Variants in SVOP observed in about 807,000 individuals in gnomAD.
The protein encoded by SVOP is synaptic vesicle 2-related protein.
SVOP carries 17 observed loss-of-function variants against 69.1 expected under a neutral mutation model. The ratio of observed to expected loss-of-function variants is 0.25; its 90% CI spans 0.17 to 0.37. The LOEUF is 0.37. Ranked by LOEUF, SVOP falls within the 10% of genes least tolerant of loss-of-function variation. The pLI is 1.00. For missense variants in SVOP, 435 were observed against 597.5 expected (o/e 0.73, Z 2.84); for synonymous variants, 238 against 238.6 (o/e 1.00, Z 0.02).
At chr12:108,934,884 C>G (rs929772996) in intron 10 of SVOP, among the ~76,000 whole-genome samples, 2 of 152,228 alleles carry the variant, frequency 1.3e-5, no homozygotes, top group African/African-American at 4.8e-5. Flanking sequence ...AATGGGCAAC[C>G]AGGAGCCCTT....
intron 1 of SVOP, among the ~76,000 whole-genome samples, chr12:108,988,770 CTTTTTTTTT>C (rs758822738): frequency 1.1e-5 from 1 of 92,182 alleles, no homozygotes; most frequent in African/African-American, 3.9e-5. Context: ...TCTTTTCTCT[CTTTTTTTTT>C]TTTTTTTTTT....
At chr12:109,019,790 A>G (rs2040386596) in intron 1 of SVOP, among the ~76,000 whole-genome samples, 1 of 152,218 alleles carries the variant, frequency 6.6e-6, no homozygotes, top group Non-Finnish European at 1.5e-5. Flanking sequence ...AGTAAACATT[A>G]CAATCCCCTT....
At chr12:108,978,176 A>G (rs368895487) in intron 3 of SVOP, among the ~76,000 whole-genome samples, 1 of 152,184 alleles carries the variant, frequency 6.6e-6, no homozygotes, top group African/African-American at 2.4e-5. Context: ...AAGTATATTA[A>G]AGGTTTGGCT....
chr12:108,992,008 T>A (rs1194790706), intron 1 of SVOP, among the ~76,000 whole-genome samples: 1 of 152,084 alleles, frequency 6.6e-6, no homozygotes, highest in Non-Finnish European at 1.5e-5. Flanking sequence ...GGGATGCTGA[T>A]AGAGATTGTG....
At chr12:108,987,165 C>T (rs1180667197) in intron 1 of SVOP, among the ~76,000 whole-genome samples, 1 of 152,198 alleles carries the variant, frequency 6.6e-6, no homozygotes, top group East Asian at 1.9e-4. Flanking sequence ...TTTGACTCCT[C>T]TAGGGATCTC....
intron 6 of SVOP, among the ~76,000 whole-genome samples, chr12:108,952,426 G>T (rs2039961104): frequency 6.6e-6 from 1 of 151,574 alleles, no homozygotes; most frequent in African/African-American, 2.4e-5. Context: ...AGTAGAGATG[G>T]GGTTTTGCCA....
At chr12:108,995,646 A>G (rs911762127) in intron 1 of SVOP, among the ~76,000 whole-genome samples, 2 of 152,210 alleles carry the variant, frequency 1.3e-5, no homozygotes, top group African/African-American at 2.4e-5. Context: ...TGGTCCTATA[A>G]TGCCAGTACT....
intron 4 of SVOP, 131 bp downstream of exon 4, chr12:108,977,267 G>T: frequency 8.9e-7 from 1 of 1,122,748 alleles, no homozygotes; most frequent in Non-Finnish European, 1.2e-6. Flanking sequence ...AGGTGGGGAT[G>T]GGACAGTGTT....
At chr12:108,937,229 G>T in intron 10 of SVOP, 35 bp downstream of exon 10, 1 of 1,610,386 alleles carries the variant, frequency 6.2e-7, no homozygotes. Flanking sequence ...ACAGGGAGTG[G>T]AAAGGGGTCA....
Position 108,919,804 on chromosome 12 carries a change from A to T in SVOP, c.1157-18T>A. ...AAGGACACCTGGAAGGGGAGTGGGGAGAGATAGGCAGCTTCCGATGTGATT... is the reference window on the plus strand; with the variant it reads ...AAGGACACCTGGAAGGGGAGTGGGGTGAGATAGGCAGCTTCCGATGTGATT... On this transcript the variant is annotated intron_variant, in intron 12 of 15. Coordinates refer to ENST00000610966, the MANE Select transcript of SVOP (RefSeq NM_018711.5). 1 of 1,528,288 alleles carries T rather than the reference A, an allele frequency of 6.5e-7. No individual in the cohort carries two copies. Among genetic ancestry groups the T allele is most frequent in the Non-Finnish European group, 8.9e-7 (1 of 1,119,918 alleles). 94.7% of individuals were successfully genotyped at this position (1,528,288 alleles called of 1,614,324 possible). A position where few individuals can be genotyped will look rare whatever the true frequency, so the allele number is the denominator to read the frequency against.
intron 6 of SVOP, among the ~76,000 whole-genome samples, chr12:108,955,305 G>A (rs1274005029): frequency 1.3e-5 from 2 of 152,286 alleles, no homozygotes; most frequent in African/African-American, 2.4e-5. Flanking sequence ...AAACGGTATC[G>A]TCCTCAATGA....
At position 108,952,772 on chromosome 12, in the gene SVOP, T is replaced by A. The variant is rs546902578; in HGVS notation, c.579-7606A>T. Among the ~76,000 whole-genome samples the A allele has an allele frequency of 5.3e-5, 8 of 152,198 alleles. No homozygotes were observed. The South Asian group carries it at 1.7e-3, about 32-fold the overall frequency. ...TACTCCAGAGGCTGTGGTGGGAGGA[T>A]CCCTTGAGACTGGAAGTTTGAGGCT... On this transcript the variant is annotated intron_variant, in intron 6 of 15. Transcript: ENST00000610966.
rs571448817 is a variant in SVOP at position 108,910,366 on chromosome 12, C to T, written c.*2169G>A. The T allele has an allele frequency of 7.2e-5, 11 of 152,422 alleles. No homozygotes were observed. The highest frequency in any genetic ancestry group is 9.6e-5 in the African/African-American group (4 of 41,558). 9.4% of individuals were successfully genotyped at this position (152,422 alleles called of 1,614,324 possible). On this transcript the variant is annotated 3_prime_UTR_variant, in exon 16 of 16. Transcript: ENST00000610966. ...CCTGCCCACCAAGCACTCTATCCCC[C>T]CCAGCCCCCAGCTCCACTGGGTTAT...
At chr12:108,922,243 C>T (rs533090960) in intron 12 of SVOP, among the ~76,000 whole-genome samples, 1 of 152,274 alleles carries the variant, frequency 6.6e-6, no homozygotes, top group South Asian at 2.1e-4. Flanking sequence ...ATGATGTCTC[C>T]CTTAGGGAGG....
chr12:108,983,064 CCAT>C (rs2040150026), intron 2 of SVOP, among the ~76,000 whole-genome samples: 3 of 146,648 alleles, frequency 2.0e-5, no homozygotes, highest in South Asian at 2.2e-4. Context: ...ATCACCATCA[CCAT>C]CATCACCATC....
chr12:108,988,501 T>C (rs1276803361), intron 1 of SVOP, among the ~76,000 whole-genome samples: 2 of 152,170 alleles, frequency 1.3e-5, no homozygotes, highest in Admixed American at 6.6e-5. Context: ...TACTGAGTGA[T>C]CTTGGCACCA....
rs2040118152 is a variant in SVOP at position 108,978,317 on chromosome 12, C to G, written c.282+261G>C. 6.9e-6 allele frequency: 3 copies of G among 432,940 alleles called. No homozygotes were observed. In the Admixed American group the frequency reaches 1.2e-4, roughly 17 times the overall value. 26.8% of individuals were successfully genotyped at this position (432,940 alleles called of 1,614,324 possible). A position where few individuals can be genotyped will look rare whatever the true frequency, so the allele number is the denominator to read the frequency against. On this transcript the variant is annotated intron_variant, in intron 3 of 15. Transcript: ENST00000610966. ...CTGACATCATAATCTCATAGTAGCC[C>G]TGAGCCCAAAGAGTTGAAAGCCACC...
chr12:108,992,381 G>T (rs2040207341), intron 1 of SVOP, among the ~76,000 whole-genome samples: 2 of 151,962 alleles, frequency 1.3e-5, no homozygotes, highest in Admixed American at 6.6e-5. Flanking sequence ...TCTCTACAAA[G>T]AATTTTAAAA....
At chr12:108,996,178 G>C (rs907260336) in intron 1 of SVOP, among the ~76,000 whole-genome samples, 1 of 152,240 alleles carries the variant, frequency 6.6e-6, no homozygotes, top group South Asian at 2.1e-4. Flanking sequence ...GACCAGCTTG[G>C]AGAACAAAGT....
Sources: gnomAD v4.1 joint callset for allele counts (sites outside exome capture counted in the v4.1 genomes callset) on GRCh38, gnomAD v4.1.1 for gene constraint, MANE v1.5 for transcripts, NCBI Gene and HGNC (gene_info 2026-07-23, HGNC 2026-07-21) for gene names.